MARCHF3: variants seen among roughly 807,000 people sequenced by gnomAD.
The protein encoded by MARCHF3 is E3 ubiquitin-protein ligase MARCHF3.
In MARCHF3, 13 loss-of-function variants were observed where a neutral mutation model predicts 24.2. That is an observed-to-expected ratio of 0.54 (90% CI 0.35 to 0.85). MARCHF3 has a LOEUF of 0.85. Among genes scored for constraint, MARCHF3 ranks in the 40% least tolerant of loss-of-function variants. The probability of loss-of-function intolerance (pLI) is 0.01; values close to 1 mark genes in which losing one functional copy is unlikely to be tolerated. For synonymous variants in MARCHF3, 144 were observed against 137.3 expected, an observed-to-expected ratio of 1.05 and a Z score of -0.34; for missense variants, 276 against 325.0, an observed-to-expected ratio of 0.85 and a Z score of 1.16.
chr5:126,923,546 C>CAGTCTGGAGCA (rs1749197935), intron 1 of MARCHF3, among the ~76,000 whole-genome samples: 1 of 152,208 alleles, frequency 6.6e-6, no homozygotes, highest in Non-Finnish European at 1.5e-5. Context: ...AACTTGGAGG[C>CAGTCTGGAGCA]AGTCTGGAGC....
chr5:126,933,102 TAAAAC>T (rs1021212304), intron 1 of MARCHF3, among the ~76,000 whole-genome samples: 1 of 152,134 alleles, frequency 6.6e-6, no homozygotes, highest in Non-Finnish European at 1.5e-5. Context: ...AAAAATAAAA[TAAAAC>T]AAAACAGGGA....
intron 1 of MARCHF3, among the ~76,000 whole-genome samples, chr5:126,920,933 G>A (rs557154480): frequency 8.6e-5 from 13 of 151,786 alleles, no homozygotes; most frequent in Admixed American, 2.6e-4. Context: ...TATTCCATTC[G>A]TAGTGGGTGC....
intron 3 of MARCHF3, among the ~76,000 whole-genome samples, chr5:126,882,912 G>C (rs1253210072): frequency 1.3e-5 from 2 of 152,166 alleles, no homozygotes; most frequent in Non-Finnish European, 2.9e-5. Context: ...ACACAAGATT[G>C]GTTGTGGCTT....
At position 126,899,055 on chromosome 5, in the gene MARCHF3, GT is replaced by G. The variant is rs1754019753; in HGVS notation, c.393+15874del. On this transcript the variant is annotated intron_variant, in intron 3 of 4. Coordinates refer to ENST00000308660, the MANE Select transcript of MARCHF3 (RefSeq NM_178450.5). ...ACCTTCTTCTCACATATCCATCACA[GT>G]GTAAATCTATCCCTCTAACTCTGTA... 5 of 985,190 alleles carry G rather than the reference GT, an allele frequency of 5.1e-6. No homozygotes were observed. In the South Asian group the frequency reaches 1.9e-4, roughly 37 times the overall value. The allele number at this position is 985,190 out of a possible 1,614,324, so 61.0% of individuals were successfully genotyped here.
chr5:126,897,619 C>T (rs1753965250), intron 3 of MARCHF3, among the ~76,000 whole-genome samples: 1 of 151,864 alleles, frequency 6.6e-6, no homozygotes, highest in Admixed American at 6.6e-5. Flanking sequence ...AAATGATATC[C>T]ATAAAAGAAG....
chr5:126,879,506 G>A (rs1014001601), intron 3 of MARCHF3, among the ~76,000 whole-genome samples: 1 of 152,136 alleles, frequency 6.6e-6, no homozygotes, highest in Non-Finnish European at 1.5e-5. Context: ...ATCCCCAAAA[G>A]GATGGGGAAA....
chr5:126,939,904 G>A (rs759769426), intron 1 of MARCHF3, among the ~76,000 whole-genome samples: 2 of 152,034 alleles, frequency 1.3e-5, no homozygotes, highest in Non-Finnish European at 2.9e-5. Context: ...ACTGCAACTC[G>A]TGCATGAACG....
intron 1 of MARCHF3, among the ~76,000 whole-genome samples, chr5:126,971,615 ACT>A (rs1751016598): frequency 6.6e-6 from 1 of 151,984 alleles, no homozygotes; most frequent in African/African-American, 2.4e-5. Context: ...AGCTTCCTTC[ACT>A]CAGCAGCTCT....
At chr5:126,959,219 G>A (rs1325416903) in intron 1 of MARCHF3, among the ~76,000 whole-genome samples, 2 of 152,100 alleles carry the variant, frequency 1.3e-5, no homozygotes, top group African/African-American at 2.4e-5. Flanking sequence ...ACAGTGATAG[G>A]GCATGTTGGT....
intron 3 of MARCHF3, among the ~76,000 whole-genome samples, chr5:126,903,324 A>G (rs964045483): frequency 7.2e-5 from 11 of 152,090 alleles, no homozygotes; most frequent in African/African-American, 2.4e-4. Context: ...AAAGGCATTC[A>G]AATTCCTCAA....
chr5:126,875,411 C>G (rs955398358), intron 4 of MARCHF3, among the ~76,000 whole-genome samples: 1 of 152,220 alleles, frequency 6.6e-6, no homozygotes, highest in African/African-American at 2.4e-5. Flanking sequence ...ACCAGGGAGG[C>G]CCTTCCAGGA....
chr5:127,017,277 T>C (rs554397288), intron 1 of MARCHF3, among the ~76,000 whole-genome samples: 3 of 152,120 alleles, frequency 2.0e-5, no homozygotes, highest in Non-Finnish European at 4.4e-5. Flanking sequence ...AAAAATGAAT[T>C]ATCCCAGTTT....
At position 126,984,526 on chromosome 5, in the gene MARCHF3, G is replaced by C. The variant is rs180856770; in HGVS notation, c.-57+45824C>G. Among the ~76,000 whole-genome samples, 869 of 152,314 alleles carry C rather than the reference G, an allele frequency of 5.7e-3. 5 individuals carry two copies. The highest frequency in any genetic ancestry group is 0.01 in the Middle Eastern group (3 of 294). On this transcript the variant is annotated intron_variant, in intron 1 of 4. Transcript: ENST00000308660. ...CCTAGGCCTCAAGTTAAAACAGAAG[G>C]AGGTGGCGAGAGCTGGGCTTCCAGG... is the stretch of plus-strand genomic sequence containing the variant.
At chr5:126,972,340 G>T (rs1276840404) in intron 1 of MARCHF3, among the ~76,000 whole-genome samples, 1 of 151,982 alleles carries the variant, frequency 6.6e-6, no homozygotes, top group Non-Finnish European at 1.5e-5. Context: ...GTAAGTTTAT[G>T]GAAGAGATAA....
chr5:127,012,748 G>A (rs1752510596), intron 1 of MARCHF3, among the ~76,000 whole-genome samples: 1 of 152,216 alleles, frequency 6.6e-6, no homozygotes, highest in Non-Finnish European at 1.5e-5. Context: ...CCTCAGTAAA[G>A]TTGATTTACT....
At chr5:126,873,517 T>A (rs545278028) in intron 4 of MARCHF3, among the ~76,000 whole-genome samples, 181 of 152,112 alleles carry the variant, frequency 1.2e-3, no homozygotes, top group African/African-American at 4.0e-3. Context: ...GGGAGCTTGT[T>A]AGAATATCAG....
At chr5:126,950,571 G>T (rs1411842740) in intron 1 of MARCHF3, among the ~76,000 whole-genome samples, 1 of 151,964 alleles carries the variant, frequency 6.6e-6, no homozygotes, top group Non-Finnish European at 1.5e-5. Flanking sequence ...TATCACAAAG[G>T]AACCACTGGG....
chr5:126,992,222 T>G (rs1021808804), intron 1 of MARCHF3, among the ~76,000 whole-genome samples: 1 of 152,114 alleles, frequency 6.6e-6, no homozygotes, highest in African/African-American at 2.4e-5. Flanking sequence ...ACAAACTTCT[T>G]CTCCATACCA....
intron 1 of MARCHF3, among the ~76,000 whole-genome samples, chr5:126,946,955 C>T (rs2126813181): frequency 6.6e-6 from 1 of 152,160 alleles, no homozygotes; most frequent in Non-Finnish European, 1.5e-5. Flanking sequence ...TTGGTGTATC[C>T]CAGAAAGATA....
Sources: gnomAD v4.1 joint callset for allele counts (sites outside exome capture counted in the v4.1 genomes callset) on GRCh38, gnomAD v4.1.1 for gene constraint, MANE v1.5 for transcripts, NCBI Gene and HGNC (gene_info 2026-07-23, HGNC 2026-07-21) for gene names.